PCGF3: variants seen among roughly 807,000 people sequenced by gnomAD.
PCGF3 encodes the protein polycomb group RING finger protein 3.
In PCGF3, 7 loss-of-function variants were observed where a neutral mutation model predicts 33.1. That is an observed-to-expected ratio of 0.21 (90% CI 0.12 to 0.40). The LOEUF is 0.40. PCGF3 is among the 10% of genes least tolerant of loss of function. The pLI, the probability that PCGF3 is intolerant of heterozygous loss-of-function variation, is 1.00. For synonymous variants in PCGF3, 153 were observed against 121.3 expected, an observed-to-expected ratio of 1.26 and a Z score of -1.72; for missense variants, 211 against 313.3, an observed-to-expected ratio of 0.67 and a Z score of 2.46.
intron 1 of PCGF3, among the ~76,000 whole-genome samples, chr4:722,910 CTCGCG>C (rs1743166411): frequency 7.8e-6 from 1 of 128,888 alleles, no homozygotes; most frequent in African/African-American, 3.0e-5. Context: ...CGGGTCCACA[CTCGCG>C]TCATCGCCAT....
chr4:722,310 G>A (rs745484661), intron 1 of PCGF3: 9 of 173,806 alleles, frequency 5.2e-5, no homozygotes, highest in Non-Finnish European at 1.1e-4. Context: ...TTATCCAGAC[G>A]GCTGTGTGCT....
chr4:736,664 CGGTGTCTCCTGA>C lies in PCGF3; in HGVS notation c.207-800_207-789del, dbSNP rs1560206653. The stretch of plus-strand genomic sequence containing the variant: ...AGGGAACCCGTGGTGTCCACAGGGA[CGGTGTCTCCTGA>C]GCGCACAGGATGCAGGGAACCCGGG... On this transcript the variant is annotated intron_variant, in intron 5 of 10. Transcript: ENST00000362003. Among the ~76,000 whole-genome samples the C allele has an allele frequency of 3.7e-3, 487 of 130,860 alleles. 25 individuals carry two copies. Among genetic ancestry groups the C allele is most frequent in the African/African-American group, 9.9e-3 (340 of 34,334 alleles). The allele number at this position is 130,860 out of a possible 152,430, so 85.8% of individuals were successfully genotyped here. A position where few individuals can be genotyped will look rare whatever the true frequency, so the allele number is the denominator to read the frequency against.
intron 8 of PCGF3, among the ~76,000 whole-genome samples, chr4:753,761 A>T (rs2152608266): frequency 6.6e-6 from 1 of 152,282 alleles, no homozygotes; most frequent in Non-Finnish European, 1.5e-5. Flanking sequence ...CAGCCTGGGC[A>T]ACAAGGTGAA....
chr4:734,986 C>T (rs772561023), exon 5 of PCGF3: 2 of 1,613,578 alleles, frequency 1.2e-6, no homozygotes, highest in East Asian at 2.2e-5. Context: ...GCCCCACCTG[C>T]AGGATTGTGA....
chr4:764,810 C>G, intron 9 of PCGF3, 174 bp from the exon 10 acceptor site: 1 of 587,258 alleles, frequency 1.7e-6, no homozygotes, highest in Non-Finnish European at 3.1e-6. Flanking sequence ...CACTCCATCT[C>G]TAGGCTGTGA....
At position 754,424 on chromosome 4, in the gene PCGF3, G is replaced by A. The variant is rs147220969; in HGVS notation, c.463-6855G>A. Among the ~76,000 whole-genome samples, 495 of 152,338 alleles carry A rather than the reference G, an allele frequency of 3.2e-3. 2 individuals carry two copies. The highest frequency in any genetic ancestry group is 4.8e-3 in the Non-Finnish European group (329 of 68,012). On this transcript the variant is annotated intron_variant, in intron 8 of 10. Transcript: ENST00000362003. ...AGTGGGCTCTGCCTGCAAGGGCCTC[G>A]CAGCCGGCGTGGTGAGGGTTGGCTG...
intron 8 of PCGF3, chr4:757,854 A>G (rs935589391): frequency 6.6e-6 from 1 of 152,212 alleles, no homozygotes; most frequent in Non-Finnish European, 1.5e-5. Flanking sequence ...TACAAAATGT[A>G]TAAACTATTT....
chr4:761,529 A>G (rs1745057459), intron 9 of PCGF3, 113 bp downstream of exon 9: 3 of 1,430,006 alleles, frequency 2.1e-6, no homozygotes, highest in Admixed American at 4.9e-5. Flanking sequence ...GGAGATTTTA[A>G]CCAGAAAAAA....
At chr4:756,990 T>C (rs867719302) in intron 8 of PCGF3, 37 of 152,334 alleles carry the variant, frequency 2.4e-4, no homozygotes, top group African/African-American at 8.7e-4. Flanking sequence ...TAACTTAGTG[T>C]ATTTAAATAG....
At chr4:757,659 T>A (rs1744827268) in intron 8 of PCGF3, 1 of 152,244 alleles carries the variant, frequency 6.6e-6, no homozygotes, top group Non-Finnish European at 1.5e-5. Context: ...CCTTACACAT[T>A]CCACGATTTT....
intron 6 of PCGF3, among the ~76,000 whole-genome samples, chr4:742,016 T>G (rs148565330): frequency 1.3e-5 from 2 of 152,250 alleles, no homozygotes; most frequent in African/African-American, 2.4e-5. Flanking sequence ...TTCAAGCTGC[T>G]CTCAGATTCT....
intron 6 of PCGF3, among the ~76,000 whole-genome samples, chr4:738,495 C>T (rs1743936132): frequency 6.6e-6 from 1 of 152,154 alleles, no homozygotes; most frequent in African/African-American, 2.4e-5. Flanking sequence ...AGACGCGTAG[C>T]AGTGGGCGGG....
chr4:734,000 C>A, intron 4 of PCGF3: 1 of 1,551,090 alleles, frequency 6.4e-7, no homozygotes, highest in Non-Finnish European at 8.7e-7. Context: ...GATGAGGCCT[C>A]GCTTAGGAGA....
At chr4:713,648 T>C (rs1281317784) in intron 1 of PCGF3, among the ~76,000 whole-genome samples, 2 of 152,232 alleles carry the variant, frequency 1.3e-5, no homozygotes, top group South Asian at 2.1e-4. Context: ...ATTTCCAGGT[T>C]CTTGATCAGG....
chr4:733,610 C>A (rs958583112), intron 3 of PCGF3, 62 bp from the exon 4 acceptor site: 3 of 1,525,086 alleles, frequency 2.0e-6, no homozygotes, highest in Non-Finnish European at 2.6e-6. Flanking sequence ...TGTCAGAGCT[C>A]AGCCAAGGAT....
chr4:747,875 C>T (rs903558831), intron 8 of PCGF3, among the ~76,000 whole-genome samples: 1 of 86,596 alleles, frequency 1.2e-5, no homozygotes, highest in African/African-American at 3.7e-5. Context: ...CGACTTCTTC[C>T]TTTTTCTTTT....
intron 6 of PCGF3, among the ~76,000 whole-genome samples, chr4:741,235 CTCA>C (rs1193057003): frequency 4.6e-5 from 7 of 152,178 alleles, no homozygotes; most frequent in Admixed American, 6.5e-5. Context: ...AATGGAATGT[CTCA>C]TCACAGCAGA....
At chr4:726,980 C>G (rs947112359) in intron 1 of PCGF3, among the ~76,000 whole-genome samples, 9 of 152,160 alleles carry the variant, frequency 5.9e-5, no homozygotes, top group Non-Finnish European at 7.3e-5. Flanking sequence ...TGCCGTTGTT[C>G]TGGAATTGAG....
intron 8 of PCGF3, among the ~76,000 whole-genome samples, chr4:749,476 CT>C (rs71640348): frequency 0.058 from 4,349 of 75,286 alleles, 69 homozygotes; most frequent in South Asian, 0.13. Context: ...ATTTTCTTTC[CT>C]TTTTTTTTTT....
Sources: gnomAD v4.1 joint callset for allele counts (sites outside exome capture counted in the v4.1 genomes callset) on GRCh38, gnomAD v4.1.1 for gene constraint, MANE v1.5 for transcripts, NCBI Gene and HGNC (gene_info 2026-07-23, HGNC 2026-07-21) for gene names.